The following XPR1 variants were observed in gnomAD, a reference collection of about 807,000 sequenced individuals.
The protein encoded by XPR1 is solute carrier family 53 member 1.
In XPR1, 28 loss-of-function variants were observed where a neutral mutation model predicts 87.5. The ratio of observed to expected loss-of-function variants is 0.32; its 90% CI spans 0.24 to 0.44. The LOEUF (loss-of-function observed/expected upper bound fraction) is 0.44. XPR1 is among the 20% of genes least tolerant of loss of function. The pLI is 1.00. For synonymous variants in XPR1, 300 were observed against 306.1 expected (o/e 0.98, Z 0.21); for missense variants, 559 against 862.3 (o/e 0.65, Z 4.41).
intron 5 of XPR1, 81 bp from the exon 6 acceptor site, chr1:180,806,393 A>G (rs1005962001): frequency 4.0e-6 from 6 of 1,513,320 alleles, no homozygotes; most frequent in Non-Finnish European, 4.5e-6. Flanking sequence ...AGAATATAAT[A>G]TATATAAATG....
intron 9 of XPR1, among the ~76,000 whole-genome samples, chr1:180,831,426 TG>T (rs199667775): frequency 0.016 from 2,404 of 148,994 alleles, 74 homozygotes; most frequent in African/African-American, 0.054. Context: ...CTTTAAGTTC[TG>T]GGGTACATGT....
chr1:180,794,107 A>G (rs1649482040), intron 3 of XPR1, among the ~76,000 whole-genome samples: 1 of 152,240 alleles, frequency 6.6e-6, no homozygotes, highest in South Asian at 2.1e-4. Flanking sequence ...GAAATGCGTC[A>G]TGAGGTGATT....
intron 2 of XPR1, among the ~76,000 whole-genome samples, chr1:180,696,208 G>GTATATATATATATATATATA (rs71121045): frequency 1.1e-5 from 1 of 88,590 alleles, no homozygotes; most frequent in Non-Finnish European, 2.3e-5. Context: ...GTGTGTGTGT[G>GTATATATATATATATATATA]TATATATATA....
At chr1:180,866,085 G>A (rs564765245) in intron 12 of XPR1, among the ~76,000 whole-genome samples, 2 of 152,144 alleles carry the variant, frequency 1.3e-5, no homozygotes, top group African/African-American at 2.4e-5. Flanking sequence ...GGTGGCACAC[G>A]CCTGTAGCCC....
intron 2 of XPR1, among the ~76,000 whole-genome samples, chr1:180,781,667 T>A (rs186452704): frequency 4.5e-4 from 69 of 152,030 alleles, no homozygotes; most frequent in South Asian, 3.1e-3. Flanking sequence ...TGCTTTTTTT[T>A]AAAATTTTAT....
chr1:180,742,064 TG>T (rs1221128164), intron 2 of XPR1, among the ~76,000 whole-genome samples: 6 of 152,114 alleles, frequency 3.9e-5, no homozygotes. Context: ...TTTTTTTGTT[TG>T]TTTTTTTTAA....
chr1:180,853,659 A>ACACACACACC (rs879788070), intron 11 of XPR1, among the ~76,000 whole-genome samples: 1 of 151,642 alleles, frequency 6.6e-6, no homozygotes, highest in Admixed American at 6.6e-5. Context: ...ACACACACAC[A>ACACACACACC]CACACACACC....
intron 3 of XPR1, among the ~76,000 whole-genome samples, chr1:180,793,600 C>T (rs1649464614): frequency 6.6e-6 from 1 of 151,862 alleles, no homozygotes. Flanking sequence ...TGTCATGATT[C>T]TCTTGAGTTC....
chr1:180,640,354 G>A (rs1426996329), intron 1 of XPR1, among the ~76,000 whole-genome samples: 2 of 152,186 alleles, frequency 1.3e-5, no homozygotes, highest in Admixed American at 6.5e-5. Flanking sequence ...CTCTTATAGC[G>A]TAGGTTGTTA....
At chr1:180,738,044 C>T (rs1370312570) in intron 2 of XPR1, among the ~76,000 whole-genome samples, 1 of 152,050 alleles carries the variant, frequency 6.6e-6, no homozygotes, top group Non-Finnish European at 1.5e-5. Flanking sequence ...TGGAGTCTTG[C>T]TCTGTCACCC....
intron 1 of XPR1, among the ~76,000 whole-genome samples, chr1:180,634,883 T>A (rs1311810206): frequency 6.6e-6 from 1 of 151,922 alleles, no homozygotes; most frequent in Admixed American, 6.5e-5. Context: ...TACTAGTTTT[T>A]GTATGTGTTA....
At chr1:180,750,063 A>T (rs1355245088) in intron 2 of XPR1, among the ~76,000 whole-genome samples, 3 of 152,222 alleles carry the variant, frequency 2.0e-5, no homozygotes, top group African/African-American at 7.2e-5. Flanking sequence ...ACTATGAATC[A>T]TAGCACTTGT....
chr1:180,664,405 C>G (rs1655890412), intron 1 of XPR1, among the ~76,000 whole-genome samples: 1 of 152,172 alleles, frequency 6.6e-6, no homozygotes, highest in South Asian at 2.1e-4. Flanking sequence ...TGGTTCCCTT[C>G]AGGTCAAGGG....
chr1:180,847,993 AT>A (rs1252055602), intron 11 of XPR1, among the ~76,000 whole-genome samples: 7 of 152,152 alleles, frequency 4.6e-5, no homozygotes, highest in African/African-American at 2.4e-5. Context: ...ATTCTGAAAA[AT>A]ATCACACTCA....
intron 2 of XPR1, among the ~76,000 whole-genome samples, chr1:180,714,652 G>A (rs1395043935): frequency 6.6e-6 from 1 of 152,082 alleles, no homozygotes. Context: ...GGGTCCTCCT[G>A]CCTTGGCCGT....
intron 2 of XPR1, among the ~76,000 whole-genome samples, chr1:180,701,953 T>C (rs1168887187): frequency 9.9e-6 from 1 of 101,298 alleles, no homozygotes; most frequent in East Asian, 2.5e-4. Flanking sequence ...CTGCTCTGAT[T>C]TTAGTTATTT....
Position 180,880,157 on chromosome 1 carries a change from T to C in XPR1, c.1890T>C (p.Ser630=). 2 of 1,614,180 alleles carry C rather than the reference T, an allele frequency of 1.2e-6. No individual in the cohort carries two copies. The highest frequency in any genetic ancestry group is 2.2e-5 in the South Asian group (2 of 91,082). ...AATTCCGTGCTGTGCGGGACATCTC[T>C]GTGGCCCCCCTGAACGCAGATGATC... is the stretch of plus-strand genomic sequence containing the variant. ...CGEFRAVRDI[S]VAPLNADDQT... Residue 630 remains serine, a synonymous_variant, in exon 14 of 15, where the codon TCT becomes TCC. Coordinates refer to ENST00000367590, the MANE Select transcript of XPR1 (RefSeq NM_004736.4).
chr1:180,724,919 A>G (rs932248585), intron 2 of XPR1, among the ~76,000 whole-genome samples: 3 of 152,248 alleles, frequency 2.0e-5, no homozygotes, highest in Non-Finnish European at 4.4e-5. Flanking sequence ...TTTGATTCTA[A>G]GAAGTGCTGC....
intron 2 of XPR1, among the ~76,000 whole-genome samples, chr1:180,773,557 T>C (rs988564011): frequency 1.3e-5 from 2 of 152,212 alleles, no homozygotes; most frequent in Non-Finnish European, 2.9e-5. Flanking sequence ...TGTAAAATTG[T>C]ACTCATACTT....
Sources: gnomAD v4.1 joint callset for allele counts (sites outside exome capture counted in the v4.1 genomes callset) on GRCh38, gnomAD v4.1.1 for gene constraint, MANE v1.5 for transcripts, NCBI Gene and HGNC (gene_info 2026-07-23, HGNC 2026-07-21) for gene names.